Variants in GRM4 observed in about 807,000 individuals in gnomAD.
GRM4 encodes glutamate metabotropic receptor 4.
A neutral mutation model predicts 81.7 loss-of-function variants in GRM4; 28 were observed. The observed-to-expected ratio is 0.34, with a 90% CI of 0.25 to 0.47. The LOEUF (loss-of-function observed/expected upper bound fraction) is 0.47, where lower values mean the gene tolerates loss of function less well. Among genes scored for constraint, GRM4 ranks in the 20% least tolerant of loss-of-function variants. The pLI is 1.00. For synonymous variants in GRM4, 488 were observed against 528.8 expected (o/e 0.92, Z 1.06); for missense variants, 948 against 1,290.0 (o/e 0.73, Z 4.06).
rs1249629314 is a variant in GRM4 at position 34,048,894 on chromosome 6, A to G, written c.1168+7650T>C. On this transcript the variant is annotated intron_variant, in intron 6 of 10. Transcript: ENST00000538487. This position sits in a 1 kb window ranked among gnomAD's most constrained non-coding sequence, Gnocchi z 4.0. ...CAGTCGCGCTTCCTGTACAGCCTGC[A>G]GAACTGTGAGCCAATTAAACCTCCT... Among the ~76,000 whole-genome samples the G allele has an allele frequency of 6.6e-6, 1 of 152,138 alleles. No individual in the cohort carries two copies. The highest frequency in any genetic ancestry group is 6.5e-5 in the Admixed American group (1 of 15,278).
At chr6:34,124,275 G>A (rs972567179) in intron 2 of GRM4, among the ~76,000 whole-genome samples, 8 of 152,128 alleles carry the variant, frequency 5.3e-5, no homozygotes, top group African/African-American at 1.7e-4. Flanking sequence ...CCTCTGCCTA[G>A]AACACTCTTA....
intron 3 of GRM4, among the ~76,000 whole-genome samples, chr6:34,086,236 GC>G (rs1303789355): frequency 1.3e-5 from 2 of 152,222 alleles, no homozygotes; most frequent in Non-Finnish European, 2.9e-5. Flanking sequence ...ATGAGGAGCT[GC>G]CCAGCCTGGG....
In GRM4 at chr6:34,133,931, A is replaced by C. The variant is rs1770352050; in HGVS notation, c.-363-72T>G. 19 of 667,390 alleles carry C rather than the reference A, an allele frequency of 2.8e-5. No individual in the cohort carries two copies. The highest frequency in any genetic ancestry group is 3.5e-5 in the Non-Finnish European group (19 of 536,902). 41.3% of individuals were successfully genotyped at this position (667,390 alleles called of 1,614,324 possible). A position where few individuals can be genotyped will look rare whatever the true frequency, so the allele number is the denominator to read the frequency against. On this transcript the variant is annotated intron_variant, in intron 1 of 10. Coordinates refer to ENST00000538487, the MANE Select transcript of GRM4 (RefSeq NM_000841.4). The surrounding 1 kb of genome is among the most constrained non-coding windows in gnomAD (Gnocchi z 6.5). The stretch of plus-strand genomic sequence containing the variant: ...AAGACATTAGCTAGTCTCATCTCTC[A>C]TCAGGAGCCTGAGAGAAGGAGATGC...
At chr6:34,028,977 G>A (rs995119084) in intron 9 of GRM4, among the ~76,000 whole-genome samples, 5 of 152,196 alleles carry the variant, frequency 3.3e-5, no homozygotes, top group African/African-American at 1.2e-4. Flanking sequence ...TTTCATGCTC[G>A]CTCGCCAGCA....
At chr6:34,112,990 C>A (rs1042492753) in intron 2 of GRM4, among the ~76,000 whole-genome samples, 1 of 152,236 alleles carries the variant, frequency 6.6e-6, no homozygotes, top group Non-Finnish European at 1.5e-5. Flanking sequence ...TGTCCTTAAC[C>A]ATTCCCTTTG....
chr6:34,037,300 C>T (rs1481351719), intron 8 of GRM4, among the ~76,000 whole-genome samples: 1 of 152,208 alleles, frequency 6.6e-6, no homozygotes, highest in Non-Finnish European at 1.5e-5. Context: ...TGACTGTGAG[C>T]AATAGAGCCA....
chr6:34,073,227 C>T (rs1413971165), intron 3 of GRM4, among the ~76,000 whole-genome samples: 55 of 670 alleles, frequency 0.082, no homozygotes, highest in Non-Finnish European at 0.19. Context: ...ACACACATCA[C>T]CAAATACATG....
chr6:34,069,006 T>C lies in GRM4; in HGVS notation c.737-6978A>G, dbSNP rs1239698769. Among the ~76,000 whole-genome samples, 1 of 152,062 alleles carries C rather than the reference T, an allele frequency of 6.6e-6. No individual in the cohort carries two copies. The highest frequency in any genetic ancestry group is 2.4e-5 in the African/African-American group (1 of 41,382). On this transcript the variant is annotated intron_variant, in intron 3 of 10. Transcript: ENST00000538487. This position sits in a 1 kb window ranked among gnomAD's most constrained non-coding sequence, Gnocchi z 6.4. ...CCCTAGGAATTCAAGTGGAAAAATC[T>C]ACCTTATGGCAAAATGTGAAGGCAG...
chr6:34,136,709 C>T lies in GRM4; in HGVS notation c.-363-2850G>A, dbSNP rs1487791328. Among the ~76,000 whole-genome samples, 1 of 152,114 alleles carries T rather than the reference C, an allele frequency of 6.6e-6. No individual in the cohort carries two copies. The highest frequency in any genetic ancestry group is 1.5e-5 in the Non-Finnish European group (1 of 68,016). On this transcript the variant is annotated intron_variant, in intron 1 of 10. Coordinates refer to ENST00000538487, the MANE Select transcript of GRM4 (RefSeq NM_000841.4). This position sits in a 1 kb window ranked among gnomAD's most constrained non-coding sequence, Gnocchi z 4.1. ...TGGAGCCTCAAGCTGGTCAGATCCC[C>T]TGCGAGACTTCCCTCCCACAGGACT...
At chr6:34,106,425 AAAAG>A (rs1262651639) in intron 2 of GRM4, among the ~76,000 whole-genome samples, 1 of 150,906 alleles carries the variant, frequency 6.6e-6, no homozygotes, top group Non-Finnish European at 1.5e-5. Flanking sequence ...AAAAAAAAAA[AAAAG>A]AAAGAAAGAA....
chr6:34,110,532 A>G (rs1252353334), intron 2 of GRM4: 3 of 507,454 alleles, frequency 5.9e-6, no homozygotes, highest in Non-Finnish European at 1.0e-5. Context: ...GCTTTTCCGC[A>G]GAATATCCTC....
chr6:34,146,228 A>C (rs892707523), upstream of GRM4: 26 of 810,246 alleles, frequency 3.2e-5, no homozygotes, highest in Non-Finnish European at 3.6e-5. Flanking sequence ...AGTATATAAC[A>C]AGGGGAGAAA....
upstream of GRM4, among the ~76,000 whole-genome samples, chr6:34,150,839 G>A (rs1771030602): frequency 6.6e-6 from 1 of 152,368 alleles, no homozygotes; most frequent in African/African-American, 2.4e-5. Context: ...TGGGCAGAGA[G>A]GAGGAAGCAC....
chr6:34,024,685 T>C (rs1433112358), intron 10 of GRM4: 3 of 455,170 alleles, frequency 6.6e-6, no homozygotes, highest in African/African-American at 4.0e-5. Flanking sequence ...CTGGCCAGAG[T>C]TGGGTGGAGT....
intron 2 of GRM4, among the ~76,000 whole-genome samples, chr6:34,119,561 G>A (rs923682671): frequency 3.9e-5 from 6 of 152,174 alleles, no homozygotes; most frequent in Non-Finnish European, 7.3e-5. Context: ...AGGGCAATGC[G>A]GCCACGTACA....
rs1264502112 is a variant in GRM4, at chr6:34,093,432, T to C, written c.520-1333A>G. 3.9e-5 allele frequency among the ~76,000 whole-genome samples: 6 copies of C among 152,252 alleles called. No homozygotes were observed. The East Asian group carries it at 1.2e-3, about 29-fold the overall frequency. On this transcript the variant is annotated intron_variant, in intron 2 of 10. Transcript: ENST00000538487. ...TATTGAGCACCTATGATGTCCTAAG[T>C]GCTGAGGACAGCAGTGAATAAAACA... is the stretch of plus-strand genomic sequence containing the variant.
In GRM4 at chr6:34,133,056, A is replaced by C; in HGVS notation, c.441T>G (p.Pro147=). ...GSGGPPIITK[P]ERVVGVIGAS... The stretch of plus-strand genomic sequence containing the variant: ...CACCGATGACACCCACCACACGTTC[A>C]GGCTTGGTGATGATGGGTGGGCCGC... Residue 147 remains proline (P), a synonymous_variant, in exon 2 of 11, where the codon CCT becomes CCG. Coordinates refer to ENST00000538487, the MANE Select transcript of GRM4 (RefSeq NM_000841.4). The surrounding 1 kb of genome is among the most constrained non-coding windows in gnomAD (Gnocchi z 6.5). The C allele has an allele frequency of 6.2e-7, 1 of 1,613,930 alleles. No individual in the cohort carries two copies. Among genetic ancestry groups the C allele is most frequent in the East Asian group, 2.2e-5 (1 of 44,862 alleles).
Position 34,155,160 on chromosome 6 carries a change from G to A in GRM4, c.231C>T (p.Ser77=), listed in dbSNP as rs547270515. ...TTCCCAGCTGGGCGGCCGCCCCCTC[G>A]GATTCGTGCGCGGCCAGGCTCACCT... Residue 77 remains serine, a synonymous_variant, in exon 1 of 9, where the codon TCC becomes TCT. Transcript: ENST00000374177. 7.8e-5 allele frequency: 120 copies of A among 1,535,332 alleles called. No individual in the cohort carries two copies. The South Asian group carries it at 1.3e-3, about 17-fold the overall frequency.
At chr6:34,093,990 A>C (rs1357841329) in intron 2 of GRM4, among the ~76,000 whole-genome samples, 2 of 152,244 alleles carry the variant, frequency 1.3e-5, no homozygotes, top group African/African-American at 4.8e-5. Context: ...AAAAGTTTGG[A>C]AACGACCCAC....
Sources: allele counts gnomAD v4.1 joint callset (sites outside exome capture counted in the v4.1 genomes callset), GRCh38; gene constraint gnomAD v4.1.1; non-coding constraint Gnocchi (gnomAD v3.1); transcripts MANE v1.5; gene names NCBI Gene and HGNC (gene_info 2026-07-23, HGNC 2026-07-21).